The following C7 variants were observed in gnomAD, a reference collection of about 807,000 sequenced individuals.
C7 encodes the protein complement component C7.
A neutral mutation model predicts 104.8 loss-of-function variants in C7; 83 were observed. That is an observed-to-expected ratio of 0.79 (90% CI 0.66 to 0.95). C7 has a LOEUF of 0.95. Among genes scored for constraint, C7 ranks in the 40% least tolerant of loss-of-function variants. C7 has a pLI of 0.00. For missense variants in C7, 1,070 were observed against 1,011.2 expected (o/e 1.06, Z -0.79); for synonymous variants, 415 against 360.6 (o/e 1.15, Z -1.71).
intron 1 of C7, among the ~76,000 whole-genome samples, chr5:40,925,506 C>G (rs558392127): frequency 6.6e-6 from 1 of 152,270 alleles, no homozygotes; most frequent in Admixed American, 6.5e-5. Flanking sequence ...TGGAGCCCTC[C>G]AAACTTTTCA....
intron 1 of C7, among the ~76,000 whole-genome samples, chr5:40,916,279 G>C (rs111485481): frequency 2.0e-5 from 3 of 152,058 alleles, no homozygotes; most frequent in African/African-American, 2.4e-5. Flanking sequence ...CAGATCCTCT[G>C]TATTTATTTA....
At chr5:40,920,534 A>AT (rs996762454) in intron 1 of C7, among the ~76,000 whole-genome samples, 1 of 145,592 alleles carries the variant, frequency 6.9e-6, no homozygotes, top group Non-Finnish European at 1.5e-5. Context: ...AAGTTCTCCC[A>AT]TTAAAAAAAA....
intron 14 of C7, among the ~76,000 whole-genome samples, chr5:40,969,616 TGAAGGTA>T (rs1740646974): frequency 6.6e-6 from 1 of 152,194 alleles, no homozygotes; most frequent in Non-Finnish European, 1.5e-5. Context: ...GGATTCCAAC[TGAAGGTA>T]TGGGCTTTCT....
intron 13 of C7, 86 bp from the exon 14 acceptor site, chr5:40,964,655 T>C: frequency 8.3e-7 from 1 of 1,208,362 alleles, no homozygotes; most frequent in Non-Finnish European, 1.2e-6. Flanking sequence ...ATGATTATGA[T>C]TTATAGACTG....
chr5:40,952,079 A>C (rs560103021), intron 9 of C7, among the ~76,000 whole-genome samples: 4 of 152,236 alleles, frequency 2.6e-5, no homozygotes, highest in African/African-American at 4.8e-5. Context: ...AGATGTTGAC[A>C]TCAGTCTTCA....
At chr5:40,956,547 T>C (rs1451712943) in intron 10 of C7, among the ~76,000 whole-genome samples, 2 of 152,222 alleles carry the variant, frequency 1.3e-5, no homozygotes, top group Non-Finnish European at 2.9e-5. Context: ...CATAAGAAAA[T>C]CTCAAATCTG....
At chr5:40,969,631 T>C (rs1438315332) in intron 14 of C7, among the ~76,000 whole-genome samples, 1 of 152,186 alleles carries the variant, frequency 6.6e-6, no homozygotes, top group Non-Finnish European at 1.5e-5. Flanking sequence ...GTATGGGCTT[T>C]CTACCTGGCC....
chr5:40,959,898 G>A (rs1205322027), intron 12 of C7, among the ~76,000 whole-genome samples: 1 of 152,164 alleles, frequency 6.6e-6, no homozygotes, highest in Non-Finnish European at 1.5e-5. Flanking sequence ...CTTGCTGTGT[G>A]ACCTTGGGCA....
rs1219498041 is a variant in C7 at position 40,978,143 on chromosome 5, A to G, written c.2165+1303A>G. Among the ~76,000 whole-genome samples, 900 of 133,270 alleles carry G rather than the reference A, an allele frequency of 6.8e-3. 4 individuals are homozygous for G. The highest frequency in any genetic ancestry group is 0.025 in the African/African-American group (876 of 34,434). 87.4% of individuals were successfully genotyped at this position (133,270 alleles called of 152,430 possible). ...GAGCCAGACCCTATCTCAAAAAGAAAAAAAAAAAAAAAAAAAAGAACCAAA... is the reference window on the plus strand; with the variant it reads ...GAGCCAGACCCTATCTCAAAAAGAAGAAAAAAAAAAAAAAAAAGAACCAAA... On this transcript the variant is annotated intron_variant, in intron 16 of 17. Coordinates refer to ENST00000313164, the MANE Select transcript of C7 (RefSeq NM_000587.4).
rs1740906559 is a variant in C7 at position 40,979,912 on chromosome 5, A to T, written c.2350+3A>T. The T allele has an allele frequency of 7.0e-6, 11 of 1,571,154 alleles. No homozygotes were observed. Among genetic ancestry groups the T allele is most frequent in the African/African-American group, 1.4e-5 (1 of 73,448 alleles). On this transcript the variant is annotated splice_donor_region_variant and intron_variant, in intron 17 of 17. Coordinates refer to ENST00000313164, the MANE Select transcript of C7 (RefSeq NM_000587.4). ...CCCACTGTGGGGAAAATGTGATGGT[A>T]AGGGGCCTTTCATATTTGTAAGTAT...
chr5:40,913,762 C>T (rs1739259612), intron 1 of C7, among the ~76,000 whole-genome samples: 1 of 152,174 alleles, frequency 6.6e-6, no homozygotes, highest in Non-Finnish European at 1.5e-5. Flanking sequence ...TCACTGTAAT[C>T]TCCACCTCCT....
intron 3 of C7, among the ~76,000 whole-genome samples, chr5:40,933,545 T>C (rs1212999622): frequency 6.6e-6 from 1 of 152,202 alleles, no homozygotes; most frequent in Non-Finnish European, 1.5e-5. Context: ...TTTCTTCAGT[T>C]TTCCTATATT....
chr5:40,933,488 TA>T (rs1739740108), intron 3 of C7, among the ~76,000 whole-genome samples: 1 of 152,196 alleles, frequency 6.6e-6, no homozygotes, highest in South Asian at 2.1e-4. Flanking sequence ...GAGGATTAAA[TA>T]AACTTTAGTA....
chr5:40,970,124 T>G (rs1388301738), intron 14 of C7, among the ~76,000 whole-genome samples: 2 of 152,146 alleles, frequency 1.3e-5, no homozygotes. Flanking sequence ...GTGCTGTGGA[T>G]TTTTGTATAT....
intron 12 of C7, among the ~76,000 whole-genome samples, chr5:40,960,355 G>T (rs1740397497): frequency 6.6e-6 from 1 of 152,058 alleles, no homozygotes; most frequent in Admixed American, 6.6e-5. Context: ...GAGGTGCTTG[G>T]GTATCTGGTA....
intron 13 of C7, chr5:40,964,505 A>AT (rs1325949744): frequency 5.8e-6 from 2 of 344,978 alleles, no homozygotes; most frequent in African/African-American, 4.3e-5. Context: ...AGTCCTTGGT[A>AT]TTTTGGGAGC....
chr5:40,911,157 T>G (rs1739200363), intron 1 of C7: 2 of 152,242 alleles, frequency 1.3e-5, no homozygotes, highest in Admixed American at 1.3e-4. Context: ...AAGTCGCATG[T>G]AGAGTTCTTA....
At chr5:40,948,104 T>A (rs369425739) in intron 8 of C7, among the ~76,000 whole-genome samples, 1 of 152,112 alleles carries the variant, frequency 6.6e-6, no homozygotes, top group East Asian at 1.9e-4. Flanking sequence ...ATTGGCTGGG[T>A]TTTTAGAATG....
chr5:40,927,519 T>C (rs1739580204), intron 1 of C7, among the ~76,000 whole-genome samples: 1 of 152,000 alleles, frequency 6.6e-6, no homozygotes, highest in African/African-American at 2.4e-5. Flanking sequence ...ATCAAAAATA[T>C]ATATGGAGCT....
Sources: allele counts gnomAD v4.1 joint callset (sites outside exome capture counted in the v4.1 genomes callset), GRCh38; gene constraint gnomAD v4.1.1; transcripts MANE v1.5; gene names NCBI Gene and HGNC (gene_info 2026-07-23, HGNC 2026-07-21).